Variants in ZNF675 observed in about 807,000 individuals in gnomAD.
ZNF675 encodes the protein zinc finger protein 675.
In ZNF675, 36 loss-of-function variants were observed where a neutral mutation model predicts 56.1. That is an observed-to-expected ratio of 0.64 (90% CI 0.49 to 0.85). The LOEUF (loss-of-function observed/expected upper bound fraction) is 0.85, where lower values mean the gene tolerates loss of function less well. Ranked by LOEUF, ZNF675 falls within the 40% of genes least tolerant of loss-of-function variation. The probability of loss-of-function intolerance (pLI) is 0.00; values close to 1 mark genes in which losing one functional copy is unlikely to be tolerated. For missense variants in ZNF675, 663 were observed against 654.2 expected (o/e 1.01, Z -0.15); for synonymous variants, 200 against 218.9 (o/e 0.91, Z 0.76).
intron 1 of ZNF675, among the ~76,000 whole-genome samples, chr19:23,666,696 C>G (rs896271011): frequency 6.6e-6 from 1 of 152,162 alleles, no homozygotes; most frequent in Non-Finnish European, 1.5e-5. Context: ...GTGAGCCAGG[C>G]AGGAGAGGAG....
intron 1 of ZNF675, among the ~76,000 whole-genome samples, chr19:23,669,970 T>G (rs1386258821): frequency 6.6e-6 from 1 of 152,070 alleles, no homozygotes; most frequent in Non-Finnish European, 1.5e-5. Context: ...AGACTAAGTC[T>G]GGGGCCTAAA....
At chr19:23,669,878 A>G (rs1047208138) in intron 1 of ZNF675, among the ~76,000 whole-genome samples, 98 of 150,668 alleles carry the variant, frequency 6.5e-4, no homozygotes, top group Non-Finnish European at 1.2e-3. Context: ...AAAAAAAACA[A>G]CACCTCATAG....
intron 1 of ZNF675, among the ~76,000 whole-genome samples, chr19:23,683,108 G>T (rs768761490): frequency 6.6e-5 from 10 of 151,182 alleles, no homozygotes; most frequent in Admixed American, 1.3e-4. Context: ...AGAATCACTT[G>T]AATCTGGGAG....
At position 23,687,160 on chromosome 19, in the gene ZNF675, C is replaced by A. The variant is rs1968455279; in HGVS notation, c.-127G>T. On this transcript the variant is annotated 5_prime_UTR_variant, in exon 1 of 4. The change creates a premature stop within an existing upstream ORF in the 5' untranslated region. Coordinates refer to ENST00000359788, the MANE Select transcript of ZNF675 (RefSeq NM_138330.3). ...AGCAATGAAAGCGAGACCTGGAGCTCCGGCTGCAGCGAGAGACAAAGGCGC... is the reference window on the plus strand; with the variant it reads ...AGCAATGAAAGCGAGACCTGGAGCTACGGCTGCAGCGAGAGACAAAGGCGC... The A allele has an allele frequency of 3.4e-6, 4 of 1,178,626 alleles. No homozygotes were observed. In the Middle Eastern group the frequency reaches 7.8e-4, roughly 230 times the overall value. 73.0% of individuals were successfully genotyped at this position (1,178,626 alleles called of 1,614,324 possible). A position where few individuals can be genotyped will look rare whatever the true frequency, so the allele number is the denominator to read the frequency against.
At chr19:23,685,878 A>C (rs1054290742) in intron 1 of ZNF675, among the ~76,000 whole-genome samples, 3 of 152,188 alleles carry the variant, frequency 2.0e-5, no homozygotes, top group Non-Finnish European at 4.4e-5. Context: ...CCAGCTTGAG[A>C]GAACTGTGAA....
Position 23,654,525 on chromosome 19 carries a change from T to A in ZNF675, c.408A>T (p.Leu136Phe). Residue 136 changes from leucine to phenylalanine, a missense_variant, in exon 4 of 4, where the codon TTA (leucine) becomes TTT (phenylalanine). Physicochemically the swap from Leu to Phe is conservative, Grantham distance 22. Around this residue, in one of 3 missense-constraint regions of ZNF675, gnomAD observed 617 missense variants for 590.5 expected, o/e 1.04. Coordinates refer to ENST00000359788, the MANE Select transcript of ZNF675 (RefSeq NM_138330.3). Reference protein sequence around the residue: ...KGGYNGLNQCLPTMQSKMFQC... With the variant: ...KGGYNGLNQCFPTMQSKMFQC... Reference sequence around the variant, plus strand: ...GAAACATTTTGCTCTGCATAGTTGGTAAACATTGGTTAAGTCCATTATAAC... The same window carrying A: ...GAAACATTTTGCTCTGCATAGTTGGAAAACATTGGTTAAGTCCATTATAAC... 6.2e-6 allele frequency: 10 copies of A among 1,605,664 alleles called. No homozygotes were observed. The highest frequency in any genetic ancestry group is 8.5e-6 in the Non-Finnish European group (10 of 1,176,074).
chr19:23,687,132 C>CA lies in ZNF675; in HGVS notation c.-100dup. 1.4e-6 allele frequency: 2 copies of CA among 1,479,918 alleles called. No individual in the cohort carries two copies. Among genetic ancestry groups the CA allele is most frequent in the Non-Finnish European group, 1.9e-6 (2 of 1,066,494 alleles). The allele number at this position is 1,479,918 out of a possible 1,614,324, so 91.7% of individuals were successfully genotyped here. On this transcript the variant is annotated 5_prime_UTR_variant, in exon 1 of 4. It removes the in-frame stop codon of an upstream open reading frame in the 5' UTR. Coordinates refer to ENST00000359788, the MANE Select transcript of ZNF675 (RefSeq NM_138330.3). ...GCTGGACCTCTAGGAGCAGAGGACA[C>CA]AGAGCAATGAAAGCGAGACCTGGAG...
chr19:23,667,268 A>C (rs1346987992), intron 1 of ZNF675, among the ~76,000 whole-genome samples: 1 of 152,080 alleles, frequency 6.6e-6, no homozygotes, highest in Non-Finnish European at 1.5e-5. Context: ...TGAGTGTTAC[A>C]GCTCATAAAA....
At position 23,663,015 on chromosome 19, in the gene ZNF675, G is replaced by C. The variant is rs199783640; in HGVS notation, c.130+17C>G. ...AAACAAAAAAAAAAAGAAACTGTGTGTTTAAGTTATCCTTACCCAGGAAGA... is the reference window on the plus strand; with the variant it reads ...AAACAAAAAAAAAAAGAAACTGTGTCTTTAAGTTATCCTTACCCAGGAAGA... On this transcript the variant is annotated intron_variant, in intron 2 of 3. Transcript: ENST00000359788. 34 of 1,557,260 alleles carry C rather than the reference G, an allele frequency of 2.2e-5. No individual in the cohort carries two copies. The East Asian group carries it at 7.4e-4, about 34-fold the overall frequency.
At position 23,663,085 on chromosome 19, in the gene ZNF675, C is replaced by T. The variant is rs760485882; in HGVS notation, c.77G>A (p.Arg26Gln). 6.8e-6 allele frequency: 11 copies of T among 1,605,972 alleles called. No individual in the cohort carries two copies. Among genetic ancestry groups the T allele is most frequent in the East Asian group, 4.5e-5 (2 of 44,516 alleles). ...EEWQCLDTAQ[R>Q]NLYKNVILEN... ...TAAAATCACATTTTTATATAAATTC[C>T]GCTGTGCAGTGTCCAGGCATTGCCA... The change falls in exon 2 of 4, where the codon CGG (arginine) becomes CAG (glutamine). Residue 26 changes from arginine to glutamine, a missense_variant. Coordinates refer to ENST00000359788, the MANE Select transcript of ZNF675 (RefSeq NM_138330.3).
rs372679361 is a variant in ZNF675 at position 23,653,798 on chromosome 19, G to A, written c.1135C>T (p.Arg379Ter). 9 of 1,613,574 alleles carry A rather than the reference G, an allele frequency of 5.6e-6. No individual in the cohort carries two copies. Among genetic ancestry groups the A allele is most frequent in the African/African-American group, 4.0e-5 (3 of 74,830 alleles). ...KCEECGKAFN[R>*]SSNLTEHRKI... ...CTATGTTCCGTAAGATTTGAGGATC[G>A]GTTAAAAGCTTTGCCGCATTCCTCA... Residue 379 changes from arginine to a stop codon, truncating the protein, a stop_gained, in exon 4 of 4, where the codon CGA becomes TGA. Coordinates refer to ENST00000359788, the MANE Select transcript of ZNF675 (RefSeq NM_138330.3). LOFTEE classifies it high-confidence loss of function.
chr19:23,683,611 G>A (rs1226359543), intron 1 of ZNF675, among the ~76,000 whole-genome samples: 1 of 152,056 alleles, frequency 6.6e-6, no homozygotes, highest in Non-Finnish European at 1.5e-5. Flanking sequence ...TAGTAGAGAT[G>A]AGGTTTCACC....
chr19:23,681,005 T>C (rs1968369206), intron 1 of ZNF675, among the ~76,000 whole-genome samples: 1 of 151,554 alleles, frequency 6.6e-6, no homozygotes, highest in South Asian at 2.1e-4. Context: ...AAAATAAAAG[T>C]TAAAAGTAAA....
intron 1 of ZNF675, among the ~76,000 whole-genome samples, chr19:23,663,380 A>G (rs1308250192): frequency 6.6e-6 from 1 of 152,156 alleles, no homozygotes; most frequent in Non-Finnish European, 1.5e-5. Flanking sequence ...TGTATATATA[A>G]TAATTTTCTA....
At chr19:23,669,341 A>C (rs1201089175) in intron 1 of ZNF675, among the ~76,000 whole-genome samples, 1 of 152,136 alleles carries the variant, frequency 6.6e-6, no homozygotes, top group Non-Finnish European at 1.5e-5. Context: ...GGTGACTTAA[A>C]CCTTCTTTTC....
chr19:23,670,088 TC>T (rs1364506937), intron 1 of ZNF675, among the ~76,000 whole-genome samples: 1 of 152,104 alleles, frequency 6.6e-6, no homozygotes, highest in East Asian at 1.9e-4. Flanking sequence ...AAAGTCCTCT[TC>T]TTTTTTCTAG....
At chr19:23,661,183 A>T (rs1968072151) in intron 3 of ZNF675, among the ~76,000 whole-genome samples, 1 of 152,046 alleles carries the variant, frequency 6.6e-6, no homozygotes. Flanking sequence ...TATCTCTGTG[A>T]GATGAATGCA....
At chr19:23,679,493 A>G (rs1284980746) in intron 1 of ZNF675, among the ~76,000 whole-genome samples, 1 of 151,698 alleles carries the variant, frequency 6.6e-6, no homozygotes, top group Non-Finnish European at 1.5e-5. Flanking sequence ...TTTATAATGA[A>G]GATACCAAAA....
intron 3 of ZNF675, among the ~76,000 whole-genome samples, chr19:23,658,847 C>CTATAGATCTATATCTATATCTCTATAGA (rs144380544): frequency 2.5e-5 from 2 of 80,850 alleles, no homozygotes; most frequent in African/African-American, 8.7e-5. Context: ...ATAGATATAT[C>CTATAGATCTATATCTATATCTCTATAGA]TATATAGATA....
Sources: gnomAD v4.1 joint callset for allele counts (sites outside exome capture counted in the v4.1 genomes callset) on GRCh38, gnomAD v4.1.1 for gene constraint, gnomAD v4.1.1 regional missense constraint, MANE v1.5 for transcripts, NCBI Gene and HGNC (gene_info 2026-07-23, HGNC 2026-07-21) for gene names.